Variants in MAP3K20 observed in about 807,000 individuals in gnomAD.
MAP3K20 encodes HCCS-4.
In MAP3K20, 40 loss-of-function variants were observed where a neutral mutation model predicts 85.7. The ratio of observed to expected loss-of-function variants is 0.47; its 90% CI spans 0.36 to 0.61. The LOEUF is 0.61. Among genes scored for constraint, MAP3K20 ranks in the 20% least tolerant of loss-of-function variants. The pLI, the probability that MAP3K20 is intolerant of heterozygous loss-of-function variation, is 0.00. For missense variants in MAP3K20, 817 were observed against 961.7 expected (o/e 0.85, Z 1.99); for synonymous variants, 325 against 327.7 (o/e 0.99, Z 0.09).
intron 19 of MAP3K20, among the ~76,000 whole-genome samples, chr2:173,264,900 T>C (rs999076539): frequency 1.3e-5 from 2 of 152,120 alleles, no homozygotes; most frequent in Non-Finnish European, 2.9e-5. Context: ...TTAGTGGGTA[T>C]AGAGTTTCAG....
chr2:173,098,580 A>G (rs562137012), intron 2 of MAP3K20, among the ~76,000 whole-genome samples: 1 of 152,328 alleles, frequency 6.6e-6, no homozygotes, highest in East Asian at 1.9e-4. Context: ...ATATTCCAAA[A>G]TCTGATAAAA....
chr2:173,236,911 T>C (rs993706283), intron 14 of MAP3K20, among the ~76,000 whole-genome samples: 6 of 152,160 alleles, frequency 3.9e-5, no homozygotes, highest in South Asian at 4.1e-4. Flanking sequence ...CTTCCTTTAT[T>C]CTTTGTGCTT....
At chr2:173,222,032 G>A (rs962409005) in intron 11 of MAP3K20, 10 of 972,108 alleles carry the variant, frequency 1.0e-5, no homozygotes, top group Admixed American at 6.2e-5. Flanking sequence ...GTAAGACCTC[G>A]TCTCTACTAA....
intron 3 of MAP3K20, among the ~76,000 whole-genome samples, chr2:173,175,816 A>C (rs961215629): frequency 2.6e-5 from 4 of 152,140 alleles, no homozygotes; most frequent in Admixed American, 6.5e-5. Context: ...GTTTGACTAG[A>C]TGGTGAAGAG....
chr2:173,194,510 A>G lies in MAP3K20; in HGVS notation c.582+3333A>G, dbSNP rs1690762027. On this transcript the variant is annotated intron_variant, in intron 7 of 19. Coordinates refer to ENST00000375213, the MANE Select transcript of MAP3K20 (RefSeq NM_016653.3). ...AAAAGAGCAGGTGAGGATAGTTGTT[A>G]AGGTTGGGACCATGTTAGTTTTAGA... Among the ~76,000 whole-genome samples the G allele has an allele frequency of 2.0e-5, 3 of 152,164 alleles. No homozygotes were observed. In the South Asian group the frequency reaches 6.2e-4, roughly 31 times the overall value.
chr2:173,138,755 A>G (rs1688876923), intron 2 of MAP3K20, among the ~76,000 whole-genome samples: 1 of 152,188 alleles, frequency 6.6e-6, no homozygotes, highest in South Asian at 2.1e-4. Context: ...GCTTGTGACA[A>G]GAGAGAAGGT....
At chr2:173,136,145 A>G (rs1688794779) in intron 2 of MAP3K20, among the ~76,000 whole-genome samples, 1 of 152,240 alleles carries the variant, frequency 6.6e-6, no homozygotes, top group Non-Finnish European at 1.5e-5. Context: ...ACCTTGTTGA[A>G]TAGCCTGTGT....
intron 14 of MAP3K20, among the ~76,000 whole-genome samples, chr2:173,235,368 A>T (rs1473047783): frequency 6.6e-6 from 1 of 152,224 alleles, no homozygotes; most frequent in Non-Finnish European, 1.5e-5. Context: ...GTCTCTCAGA[A>T]CAACTGTTAT....
chr2:173,160,808 G>A (rs763634622), intron 2 of MAP3K20, among the ~76,000 whole-genome samples: 5 of 152,214 alleles, frequency 3.3e-5, no homozygotes, highest in Non-Finnish European at 7.3e-5. Flanking sequence ...TGGTTCTTTT[G>A]TTGTGGATAT....
At chr2:173,265,957 CA>C in intron 19 of MAP3K20, 92 bp from the exon 20 acceptor site, 2 of 1,328,126 alleles carry the variant, frequency 1.5e-6, no homozygotes, top group East Asian at 5.1e-5. Context: ...TAGAGCATCC[CA>C]AACAGCCCTG....
intron 10 of MAP3K20, chr2:173,214,565 A>C (rs990683099): frequency 2.6e-5 from 4 of 152,246 alleles, no homozygotes; most frequent in African/African-American, 9.6e-5. Context: ...TAACACATTT[A>C]ATAAACAGAT....
At chr2:173,162,249 G>A (rs959180874) in intron 2 of MAP3K20, among the ~76,000 whole-genome samples, 1 of 152,088 alleles carries the variant, frequency 6.6e-6, no homozygotes, top group African/African-American at 2.4e-5. Context: ...GATCATATTG[G>A]CATTTTGGAG....
Position 173,209,864 on chromosome 2 carries a change from G to A in MAP3K20, c.851+29G>A, listed in dbSNP as rs756896446. 4.5e-5 allele frequency: 71 copies of A among 1,584,162 alleles called. No individual in the cohort carries two copies. The Admixed American group carries it at 5.8e-4, about 13-fold the overall frequency. ...GGTAGCCCCGACAGCAGGCCACAGC[G>A]TCTGGCTTTCAAAGACCATCACTCG... On this transcript the variant is annotated intron_variant, in intron 10 of 19. Transcript: ENST00000375213.
chr2:173,256,235 C>T (rs1431844264), intron 16 of MAP3K20, among the ~76,000 whole-genome samples: 1 of 152,222 alleles, frequency 6.6e-6, no homozygotes, highest in East Asian at 1.9e-4. Context: ...TCTGAGCTTG[C>T]TCTAGGAAAC....
At chr2:173,223,316 G>A in intron 11 of MAP3K20, 2 of 923,734 alleles carry the variant, frequency 2.2e-6, no homozygotes, top group Non-Finnish European at 1.3e-6. Context: ...TTGTGCGTCT[G>A]TTTGCTGATC....
At chr2:173,220,687 T>G (rs1403300405) in intron 11 of MAP3K20, among the ~76,000 whole-genome samples, 2 of 152,164 alleles carry the variant, frequency 1.3e-5, no homozygotes, top group African/African-American at 4.8e-5. Flanking sequence ...TGCTGAACTG[T>G]TTTTTGTGCT....
At chr2:173,087,397 C>T (rs1188247867) in intron 1 of MAP3K20, among the ~76,000 whole-genome samples, 2 of 152,156 alleles carry the variant, frequency 1.3e-5, no homozygotes, top group East Asian at 3.9e-4. Flanking sequence ...TTGGGAAGTG[C>T]AGGCAGTTCC....
chr2:173,083,709 A>G (rs114446112), intron 1 of MAP3K20, among the ~76,000 whole-genome samples: 2,360 of 152,300 alleles, frequency 0.015, 56 homozygotes, highest in African/African-American at 0.053. Flanking sequence ...TTCTTTTTAT[A>G]CACATGATGA....
intron 2 of MAP3K20, among the ~76,000 whole-genome samples, chr2:173,092,736 A>G (rs1191913590): frequency 1.3e-5 from 2 of 152,232 alleles, no homozygotes; most frequent in Non-Finnish European, 2.9e-5. Flanking sequence ...TTTATGAGAC[A>G]TGAAACAGAT....
Sources: allele counts gnomAD v4.1 joint callset (sites outside exome capture counted in the v4.1 genomes callset), GRCh38; gene constraint gnomAD v4.1.1; transcripts MANE v1.5; gene names NCBI Gene and HGNC (gene_info 2026-07-23, HGNC 2026-07-21).